The following KCND2 variants were observed in gnomAD, a reference collection of about 807,000 sequenced individuals.
The protein encoded by KCND2 is potassium voltage-gated channel subfamily D member 2, also known as A-type voltage-gated potassium channel KCND2.
KCND2 carries 16 observed loss-of-function variants against 54.4 expected under a neutral mutation model. The ratio of observed to expected loss-of-function variants is 0.29; its 90% CI spans 0.20 to 0.45. The LOEUF (loss-of-function observed/expected upper bound fraction) is 0.45, where lower values mean the gene tolerates loss of function less well. KCND2 is among the 20% of genes least tolerant of loss of function. KCND2 has a pLI of 1.00. For synonymous variants in KCND2, 317 were observed against 310.7 expected (o/e 1.02, Z -0.21); for missense variants, 486 against 824.2 (o/e 0.59, Z 5.02).
chr7:120,321,950 T>A (rs1482166494), intron 1 of KCND2, among the ~76,000 whole-genome samples: 3 of 152,016 alleles, frequency 2.0e-5, no homozygotes, highest in African/African-American at 7.2e-5. Context: ...TCAGAGAAGA[T>A]GATGTTAATA....
intron 1 of KCND2, among the ~76,000 whole-genome samples, chr7:120,416,231 G>T (rs1801522950): frequency 1.3e-5 from 2 of 152,012 alleles, no homozygotes; most frequent in Admixed American, 1.3e-4. Flanking sequence ...AAACCATTCT[G>T]CCCCACTTCG....
In KCND2 at chr7:120,747,957, C is replaced by G; in HGVS notation, c.*99C>G. ...ACAATAAATATTCTGCAGATTAATGCAGCAAAGAAAGAAGGTTGGTAGTGA... is the reference window on the plus strand; with the variant it reads ...ACAATAAATATTCTGCAGATTAATGGAGCAAAGAAAGAAGGTTGGTAGTGA... On this transcript the variant is annotated 3_prime_UTR_variant, in exon 6 of 6. Coordinates refer to ENST00000331113, the MANE Select transcript of KCND2 (RefSeq NM_012281.3). 1.0e-6 allele frequency: 1 copy of G among 990,906 alleles called. No individual in the cohort carries two copies. The highest frequency in any genetic ancestry group is 1.4e-5 in the South Asian group (1 of 69,846). The allele number at this position is 990,906 out of a possible 1,614,324, so 61.4% of individuals were successfully genotyped here.
intron 1 of KCND2, among the ~76,000 whole-genome samples, chr7:120,699,289 A>G (rs946456098): frequency 3.3e-5 from 5 of 152,046 alleles, no homozygotes; most frequent in Admixed American, 6.5e-5. Flanking sequence ...CTCAAAAAAA[A>G]AAAAAGTTAT....
At chr7:120,699,412 G>C (rs1029619927) in intron 1 of KCND2, among the ~76,000 whole-genome samples, 6 of 152,106 alleles carry the variant, frequency 3.9e-5, no homozygotes, top group Non-Finnish European at 8.8e-5. Flanking sequence ...GAGTCACTGT[G>C]GTAGGACCCA....
chr7:120,275,891 ACT>A, intron 1 of KCND2, 144 bp downstream of exon 1: 1 of 903,144 alleles, frequency 1.1e-6, no homozygotes, highest in South Asian at 1.6e-5. Context: ...GTTTGGCAAA[ACT>A]CTTTTCATCT....
chr7:120,677,524 T>TAG (rs1554384941), intron 1 of KCND2, among the ~76,000 whole-genome samples: 24 of 128,978 alleles, frequency 1.9e-4, no homozygotes, highest in East Asian at 1.6e-3. Context: ...CAAATATATA[T>TAG]ATATAGATAT....
At chr7:120,461,742 AT>A (rs996618990) in intron 1 of KCND2, among the ~76,000 whole-genome samples, 16 of 152,068 alleles carry the variant, frequency 1.1e-4, no homozygotes, top group South Asian at 4.1e-4. Flanking sequence ...TGCTATTTTC[AT>A]TTTTTTAAAA....
chr7:120,444,198 A>G (rs1256953022), intron 1 of KCND2, among the ~76,000 whole-genome samples: 3 of 152,044 alleles, frequency 2.0e-5, no homozygotes, highest in Non-Finnish European at 4.4e-5. Flanking sequence ...CATAATTTCC[A>G]CTTAAAATTG....
intron 1 of KCND2, among the ~76,000 whole-genome samples, chr7:120,514,660 G>A (rs939733251): frequency 1.3e-5 from 2 of 151,888 alleles, no homozygotes; most frequent in Admixed American, 6.6e-5. Flanking sequence ...AACCTTTTTG[G>A]CACTAGGGAC....
At chr7:120,378,864 T>G (rs894003894) in intron 1 of KCND2, among the ~76,000 whole-genome samples, 1 of 152,000 alleles carries the variant, frequency 6.6e-6, no homozygotes, top group African/African-American at 2.4e-5. Flanking sequence ...TGATAAAATC[T>G]TAGTTGTAAT....
At chr7:120,345,301 A>C (rs996308393) in intron 1 of KCND2, among the ~76,000 whole-genome samples, 2 of 152,194 alleles carry the variant, frequency 1.3e-5, no homozygotes, top group African/African-American at 4.8e-5. Context: ...TTGATCATAT[A>C]GTGTTCTTCT....
intron 1 of KCND2, among the ~76,000 whole-genome samples, chr7:120,453,889 A>T (rs1000842830): frequency 6.6e-6 from 1 of 152,224 alleles, no homozygotes; most frequent in African/African-American, 2.4e-5. Context: ...GATCGAGACC[A>T]TCCTGGCTAA....
At chr7:120,612,066 A>C (rs957834890) in intron 1 of KCND2, among the ~76,000 whole-genome samples, 2 of 152,212 alleles carry the variant, frequency 1.3e-5, no homozygotes, top group African/African-American at 4.8e-5. Context: ...AATCCACCTC[A>C]TAGAACATTT....
chr7:120,351,797 TTTTCTTTTC>T (rs1480268194), intron 1 of KCND2, among the ~76,000 whole-genome samples: 3 of 151,962 alleles, frequency 2.0e-5, no homozygotes, highest in African/African-American at 4.8e-5. Flanking sequence ...TTTTTCTTTT[TTTTCTTTTC>T]TTTCTTTCTT....
chr7:120,368,386 C>T (rs1368262445), intron 1 of KCND2, among the ~76,000 whole-genome samples: 1 of 150,956 alleles, frequency 6.6e-6, no homozygotes, highest in Non-Finnish European at 1.5e-5. Context: ...CCAACTACTA[C>T]CCTGAAAAAA....
At chr7:120,371,592 T>C (rs1800766988) in intron 1 of KCND2, among the ~76,000 whole-genome samples, 1 of 152,050 alleles carries the variant, frequency 6.6e-6, no homozygotes, top group Non-Finnish European at 1.5e-5. Context: ...TCACATTCAC[T>C]CAATGTTCAC....
At chr7:120,370,479 A>G (rs966548828) in intron 1 of KCND2, among the ~76,000 whole-genome samples, 3 of 152,050 alleles carry the variant, frequency 2.0e-5, no homozygotes, top group Admixed American at 6.6e-5. Context: ...GACAGACACA[A>G]AAGTACATGT....
intron 1 of KCND2, among the ~76,000 whole-genome samples, chr7:120,610,006 A>G (rs1792932890): frequency 1.3e-5 from 2 of 152,162 alleles, no homozygotes. Flanking sequence ...TAATTTGGAA[A>G]GAGTATAGTA....
chr7:120,306,094 T>G (rs1269369068), intron 1 of KCND2, among the ~76,000 whole-genome samples: 1 of 152,140 alleles, frequency 6.6e-6, no homozygotes, highest in African/African-American at 2.4e-5. Context: ...GACTGTTTCC[T>G]GCATTCAAGA....
Sources: allele counts gnomAD v4.1 joint callset (sites outside exome capture counted in the v4.1 genomes callset), GRCh38; gene constraint gnomAD v4.1.1; transcripts MANE v1.5; gene names NCBI Gene and HGNC (gene_info 2026-07-23, HGNC 2026-07-21).